The following AGAP1 variants were observed in gnomAD, a reference collection of about 807,000 sequenced individuals.
AGAP1 encodes the protein arf-GAP with GTPase, ANK repeat and PH domain-containing protein 1.
A neutral mutation model predicts 105.3 loss-of-function variants in AGAP1; 29 were observed. The observed-to-expected ratio is 0.28, with a 90% CI of 0.21 to 0.38. The LOEUF (loss-of-function observed/expected upper bound fraction) is 0.38, where lower values mean the gene tolerates loss of function less well. Among genes scored for constraint, AGAP1 ranks in the 10% least tolerant of loss-of-function variants. AGAP1 has a pLI of 1.00. For synonymous variants in AGAP1, 509 were observed against 485.9 expected, an observed-to-expected ratio of 1.05 and a Z score of -0.63; for missense variants, 998 against 1,165.1, an observed-to-expected ratio of 0.86 and a Z score of 2.09.
intron 10 of AGAP1, among the ~76,000 whole-genome samples, chr2:235,903,283 T>C (rs1360517563): frequency 6.6e-6 from 1 of 152,230 alleles, no homozygotes; most frequent in Non-Finnish European, 1.5e-5. Flanking sequence ...TTAATACTTT[T>C]TTGAAGTATA....
intron 9 of AGAP1, among the ~76,000 whole-genome samples, chr2:235,857,814 T>C (rs1011725136): frequency 3.9e-5 from 6 of 152,240 alleles, no homozygotes; most frequent in African/African-American, 1.4e-4. Flanking sequence ...GGGAATTGAC[T>C]GGGTATAAAG....
chr2:235,951,316 C>G lies in AGAP1; in HGVS notation c.1484-17146C>G, dbSNP rs547672036. ...ACTCGATCGATGTCCACAGCACATT[C>G]AAATTATCTTTCATGTTACAAACTT... On this transcript the variant is annotated intron_variant, in intron 12 of 17. Coordinates refer to ENST00000304032, the MANE Select transcript of AGAP1 (RefSeq NM_001037131.3). The surrounding 1 kb of genome is among the most constrained non-coding windows in gnomAD (Gnocchi z 4.2). Among the ~76,000 whole-genome samples the G allele has an allele frequency of 1.3e-5, 2 of 152,254 alleles. No homozygotes were observed. Among genetic ancestry groups the G allele is most frequent in the East Asian group, 3.9e-4 (2 of 5,178 alleles).
intron 1 of AGAP1, among the ~76,000 whole-genome samples, chr2:235,603,801 T>A (rs1281525855): frequency 6.6e-6 from 1 of 152,192 alleles, no homozygotes; most frequent in Non-Finnish European, 1.5e-5. Flanking sequence ...AGTGTTTCGG[T>A]TATGCAACAT....
intron 9 of AGAP1, among the ~76,000 whole-genome samples, chr2:235,827,393 G>T (rs1285124169): frequency 6.6e-6 from 1 of 152,124 alleles, no homozygotes; most frequent in Non-Finnish European, 1.5e-5. Context: ...AGGTAAGGGG[G>T]CTGCCGGCGT....
At chr2:236,043,605 TAATCCCGGCTACTTGG>T (rs977908105) in intron 15 of AGAP1, among the ~76,000 whole-genome samples, 1,009 of 53,828 alleles carry the variant, frequency 0.019, 7 homozygotes, top group African/African-American at 0.046. Context: ...CATATGCCTG[TAATCCCGGCTACTTGG>T]GAGGCTGAGG....
At chr2:235,785,691 G>A (rs1956584295) in intron 6 of AGAP1, among the ~76,000 whole-genome samples, 1 of 151,858 alleles carries the variant, frequency 6.6e-6, no homozygotes, top group South Asian at 2.1e-4. Context: ...GAATAATTTG[G>A]CATAATCAGT....
In AGAP1 at chr2:235,864,386, G is replaced by A. The variant is rs149872644; in HGVS notation, c.1051-18959G>A. On this transcript the variant is annotated intron_variant, in intron 9 of 17. Coordinates refer to ENST00000304032, the MANE Select transcript of AGAP1 (RefSeq NM_001037131.3). This position sits in a 1 kb window ranked among gnomAD's most constrained non-coding sequence, Gnocchi z 5.0. ...TTCTGTTTAATTTTCTTTAGCTATG[G>A]GAGAAATGGAGTCCATTTCCAGACC... Among the ~76,000 whole-genome samples the A allele has an allele frequency of 6.6e-6, 1 of 152,294 alleles. No individual in the cohort carries two copies. Among genetic ancestry groups the A allele is most frequent in the African/African-American group, 2.4e-5 (1 of 41,560 alleles).
intron 1 of AGAP1, among the ~76,000 whole-genome samples, chr2:235,546,217 C>G (rs548318271): frequency 1.3e-5 from 2 of 152,322 alleles, no homozygotes; most frequent in East Asian, 3.9e-4. Flanking sequence ...GTTGTTCATC[C>G]GAGCCCAAGG....
chr2:235,626,096 C>T (rs1946627685), intron 1 of AGAP1, among the ~76,000 whole-genome samples: 1 of 151,984 alleles, frequency 6.6e-6, no homozygotes, highest in Non-Finnish European at 1.5e-5. Flanking sequence ...TGCCTGTAAT[C>T]CCAGCACTTT....
intron 1 of AGAP1, among the ~76,000 whole-genome samples, chr2:235,675,191 T>TTGGTTGG (rs1491300799): frequency 2.4e-4 from 4 of 16,810 alleles, no homozygotes; most frequent in Admixed American, 1.0e-3. Flanking sequence ...GGTTGGTTGG[T>TTGGTTGG]TTTTTTTTTT....
At chr2:235,522,059 C>T (rs773001766) in intron 1 of AGAP1, among the ~76,000 whole-genome samples, 16 of 152,140 alleles carry the variant, frequency 1.1e-4, no homozygotes, top group Non-Finnish European at 1.6e-4. Flanking sequence ...TCAGGATGTG[C>T]AGTCTTTTTG....
At chr2:235,807,061 A>G (rs1053365998) in intron 8 of AGAP1, among the ~76,000 whole-genome samples, 178 bp from the exon 9 acceptor site, 2 of 152,284 alleles carry the variant, frequency 1.3e-5, no homozygotes, top group African/African-American at 4.8e-5. Flanking sequence ...CTCTTTAAAA[A>G]TGATGAGTCA....
intron 1 of AGAP1, among the ~76,000 whole-genome samples, chr2:235,651,005 C>A (rs1947564689): frequency 6.6e-6 from 1 of 151,774 alleles, no homozygotes; most frequent in African/African-American, 2.4e-5. Flanking sequence ...CATGGTGAAA[C>A]CCGGTCTCTC....
intron 2 of AGAP1, among the ~76,000 whole-genome samples, chr2:235,713,235 C>A (rs941959084): frequency 6.6e-6 from 1 of 152,184 alleles, no homozygotes; most frequent in Admixed American, 6.5e-5. Context: ...TTTGGATTTT[C>A]CCAGCATGAA....
chr2:235,791,417 T>C (rs904602016), intron 6 of AGAP1, among the ~76,000 whole-genome samples: 1 of 152,202 alleles, frequency 6.6e-6, no homozygotes, highest in Non-Finnish European at 1.5e-5. Flanking sequence ...TCTTTTTCTT[T>C]TCTTTTCTTT....
chr2:236,011,574 C>A (rs2056514901), intron 13 of AGAP1, among the ~76,000 whole-genome samples: 1 of 152,158 alleles, frequency 6.6e-6, no homozygotes, highest in Non-Finnish European at 1.5e-5. Flanking sequence ...ACGGAATGCT[C>A]ACACCCTGCT....
rs886275566 is a variant in AGAP1 at position 235,905,445 on chromosome 2, T to C, written c.1156-3293T>C. 6.6e-6 allele frequency among the ~76,000 whole-genome samples: 1 copy of C among 152,198 alleles called. No individual in the cohort carries two copies. Among genetic ancestry groups the C allele is most frequent in the Non-Finnish European group, 1.5e-5 (1 of 68,026 alleles). On this transcript the variant is annotated intron_variant, in intron 10 of 17. Coordinates refer to ENST00000304032, the MANE Select transcript of AGAP1 (RefSeq NM_001037131.3). The surrounding 1 kb of genome is among the most constrained non-coding windows in gnomAD (Gnocchi z 4.2). ...AACTAAAGATGCTTGAGAAAAACCT[T>C]TTTTAGGAAGTGACCAACACTCACC...
At position 235,994,904 on chromosome 2, in the gene AGAP1, A is replaced by C. The variant is rs2055727781; in HGVS notation, c.1645+26281A>C. ...AAATAGTGAAACCCCATCTGTACTA[A>C]AAATACAAAAACATTAGCCAAGCGT... On this transcript the variant is annotated intron_variant, in intron 13 of 17. Transcript: ENST00000304032. The surrounding 1 kb of genome is among the most constrained non-coding windows in gnomAD (Gnocchi z 4.4). 6.6e-6 allele frequency among the ~76,000 whole-genome samples: 1 copy of C among 151,324 alleles called. No individual in the cohort carries two copies. The highest frequency in any genetic ancestry group is 6.6e-5 in the Admixed American group (1 of 15,178).
At chr2:235,818,797 C>T (rs1002179137) in intron 9 of AGAP1, among the ~76,000 whole-genome samples, 2 of 152,236 alleles carry the variant, frequency 1.3e-5, no homozygotes, top group Admixed American at 1.3e-4. Flanking sequence ...TGTTCTCGAA[C>T]TCCTGACCTT....
Sources: gnomAD v4.1 joint callset for allele counts (sites outside exome capture counted in the v4.1 genomes callset) on GRCh38, gnomAD v4.1.1 for gene constraint, Gnocchi (gnomAD v3.1) non-coding constraint, MANE v1.5 for transcripts, NCBI Gene and HGNC (gene_info 2026-07-23, HGNC 2026-07-21) for gene names.